Variants in EHD1 observed in about 807,000 individuals in gnomAD.
The protein encoded by EHD1 is EH domain-containing protein 1.
EHD1 carries 19 observed loss-of-function variants against 39.0 expected under a neutral mutation model. That is an observed-to-expected ratio of 0.49 (90% CI 0.34 to 0.72). EHD1 has a LOEUF of 0.72. Ranked by LOEUF, EHD1 falls within the 30% of genes least tolerant of loss-of-function variation. EHD1 has a pLI of 0.01. For synonymous variants in EHD1, 323 were observed against 331.2 expected (o/e 0.98, Z 0.27); for missense variants, 542 against 751.5 (o/e 0.72, Z 3.26).
chr11:64,863,103 A>C (rs1344591730), intron 2 of EHD1, among the ~76,000 whole-genome samples: 4 of 152,038 alleles, frequency 2.6e-5, no homozygotes, highest in Non-Finnish European at 5.9e-5. Flanking sequence ...AGGCCACCCA[A>C]ATGTAGGCCG....
intron 1 of EHD1, among the ~76,000 whole-genome samples, chr11:64,877,251 C>G (rs934108186): frequency 1.3e-5 from 2 of 152,184 alleles, no homozygotes; most frequent in African/African-American, 4.8e-5. Flanking sequence ...GTGTTTCATT[C>G]ACAGCACTGA....
chr11:64,868,607 T>C lies in EHD1; in HGVS notation c.502+5814A>G, dbSNP rs1026790294. Among the ~76,000 whole-genome samples, 2 of 152,168 alleles carry C rather than the reference T, an allele frequency of 1.3e-5. No individual in the cohort carries two copies. Among genetic ancestry groups the C allele is most frequent in the Non-Finnish European group, 2.9e-5 (2 of 68,032 alleles). On this transcript the variant is annotated intron_variant, in intron 2 of 4. Transcript: ENST00000320631. This position sits in a 1 kb window ranked among gnomAD's most constrained non-coding sequence, Gnocchi z 4.2. ...CCTGTATGATTCCATTTAGGTGACA[T>C]TCCGGAAAAGGCAAAAGTTAGAGAC...
At chr11:64,855,266 G>A (rs867350211) in intron 4 of EHD1, 56 bp downstream of exon 4, 2 of 1,586,342 alleles carry the variant, frequency 1.3e-6, no homozygotes, top group Admixed American at 1.8e-5. Context: ...AGTGCCCTGG[G>A]CCTTCCTTCT....
intron 2 of EHD1, among the ~76,000 whole-genome samples, chr11:64,861,670 G>A (rs1195543331): frequency 1.3e-5 from 2 of 152,124 alleles, no homozygotes; most frequent in Admixed American, 1.3e-4. Flanking sequence ...ATTATCCATG[G>A]CTTCTTTTGT....
intron 2 of EHD1, among the ~76,000 whole-genome samples, chr11:64,870,629 G>A (rs1958681914): frequency 6.6e-6 from 1 of 152,248 alleles, no homozygotes; most frequent in African/African-American, 2.4e-5. Context: ...TTAGTTCACA[G>A]TTGCCTAGTG....
intron 2 of EHD1, among the ~76,000 whole-genome samples, chr11:64,867,112 T>C (rs1427940642): frequency 6.6e-6 from 1 of 152,118 alleles, no homozygotes; most frequent in East Asian, 1.9e-4. Context: ...CTGGGGTCCA[T>C]GACCAAAAAA....
At chr11:64,874,036 C>T (rs1343499561) in intron 2 of EHD1, among the ~76,000 whole-genome samples, 5 of 149,986 alleles carry the variant, frequency 3.3e-5, no homozygotes, top group African/African-American at 7.3e-5. Context: ...CCAGGTGTGG[C>T]GGCTCACGCC....
intron 3 of EHD1, 84 bp downstream of exon 3, chr11:64,859,840 G>A: frequency 2.0e-6 from 3 of 1,511,322 alleles, no homozygotes; most frequent in Non-Finnish European, 2.7e-6. Context: ...AAGGGTCTCG[G>A]GCAATCCTGG....
intron 3 of EHD1, 197 bp from the exon 4 acceptor site, chr11:64,855,683 AGCTGTCC>A (rs1943643743): frequency 1.0e-5 from 7 of 694,502 alleles, no homozygotes; most frequent in Non-Finnish European, 1.4e-5. Context: ...CAAGAGCCAC[AGCTGTCC>A]ACTGCCACAG....
At position 64,854,137 on chromosome 11, in the gene EHD1, A is replaced by G; in HGVS notation, c.*196T>C. 2.2e-6 allele frequency: 2 copies of G among 920,098 alleles called. No individual in the cohort carries two copies. Among genetic ancestry groups the G allele is most frequent in the African/African-American group, 1.7e-5 (1 of 59,890 alleles). 57.0% of individuals were successfully genotyped at this position (920,098 alleles called of 1,614,324 possible). A position where few individuals can be genotyped will look rare whatever the true frequency, so the allele number is the denominator to read the frequency against. ...AAATAGCCACAGTTCTTGTGCACAC[A>G]ATTCCATCCTCTCACCCCTGCCTCC... On this transcript the variant is annotated 3_prime_UTR_variant, in exon 5 of 5. Transcript: ENST00000320631.
In EHD1 at chr11:64,860,130, T is replaced by C. The variant is rs1389025678; in HGVS notation, c.709A>G (p.Met237Val). ...TTGATGATCTTGCCCAGGGACCACA[T>C]GAGGGCCCCGTACACCCGCATCAGC... ...QQLMRVYGAL[M>V]WSLGKIINTP... Residue 237 changes from methionine to valine, a missense_variant, in exon 3 of 5, where the codon ATG becomes GTG. By Grantham distance (21) the Met-to-Val change is conservative (BLOSUM62 1). Coordinates refer to ENST00000320631, the MANE Select transcript of EHD1 (RefSeq NM_006795.4). 2 of 1,614,140 alleles carry C rather than the reference T, an allele frequency of 1.2e-6. No individual in the cohort carries two copies. The highest frequency in any genetic ancestry group is 1.7e-6 in the Non-Finnish European group (2 of 1,180,034).
At chr11:64,854,997 G>GC (rs1943633618) in intron 4 of EHD1, 140 bp from the exon 5 acceptor site, 5 of 1,128,656 alleles carry the variant, frequency 4.4e-6, no homozygotes, top group Non-Finnish European at 6.3e-6. Context: ...AAACCATCTG[G>GC]CCCTTGGCTC....
intron 4 of EHD1, 34 bp downstream of exon 4, chr11:64,855,288 C>A (rs1389954280): frequency 1.2e-6 from 2 of 1,607,168 alleles, no homozygotes; most frequent in Non-Finnish European, 1.7e-6. Flanking sequence ...CCCTGATGGC[C>A]ACCAGCCTGC....
At chr11:64,871,367 G>T (rs184847761) in intron 2 of EHD1, among the ~76,000 whole-genome samples, 4 of 152,260 alleles carry the variant, frequency 2.6e-5, no homozygotes, top group Non-Finnish European at 5.9e-5. Context: ...CAGGCCACAC[G>T]GGCCTTTCCA....
rs1279328457 is a variant in EHD1, at chr11:64,853,493, G to C, written c.*840C>G. 1 of 152,460 alleles carries C rather than the reference G, an allele frequency of 6.6e-6. No homozygotes were observed. Among genetic ancestry groups the C allele is most frequent in the Non-Finnish European group, 1.5e-5 (1 of 68,074 alleles). 9.4% of individuals were successfully genotyped at this position (152,460 alleles called of 1,614,324 possible). A position where few individuals can be genotyped will look rare whatever the true frequency, so the allele number is the denominator to read the frequency against. ...GGGTCCAGGAACGGGGTGCTCCCCG[G>C]GTACCCACACCTAATGCCCCCTGGG... is the stretch of plus-strand genomic sequence containing the variant. On this transcript the variant is annotated 3_prime_UTR_variant, in exon 5 of 5. Coordinates refer to ENST00000320631, the MANE Select transcript of EHD1 (RefSeq NM_006795.4).
chr11:64,867,524 G>C (rs1173759356), intron 2 of EHD1, among the ~76,000 whole-genome samples: 1 of 151,974 alleles, frequency 6.6e-6, no homozygotes, highest in Non-Finnish European at 1.5e-5. Flanking sequence ...TTCGAGACCA[G>C]CCTGGTCAAC....
intron 2 of EHD1, among the ~76,000 whole-genome samples, chr11:64,860,719 A>G (rs1201556102): frequency 9.2e-5 from 6 of 65,152 alleles, no homozygotes; most frequent in East Asian, 7.0e-4. Flanking sequence ...AACTGTCGCG[A>G]AAAAAAAAAA....
In EHD1 at chr11:64,855,304, G is replaced by A. The variant is rs1482954252; in HGVS notation, c.1080+18C>T. 2 of 1,611,704 alleles carry A rather than the reference G, an allele frequency of 1.2e-6. No homozygotes were observed. The highest frequency in any genetic ancestry group is 8.5e-7 in the Non-Finnish European group (1 of 1,179,274). On this transcript the variant is annotated intron_variant, in intron 4 of 4. Transcript: ENST00000320631. ...CCTGATGGCCACCAGCCTGCATGGG[G>A]CCTCGGGACAGCCGTACCTGCATCT...
chr11:64,854,054 A>G lies in EHD1; in HGVS notation c.*279T>C. ...GCCGGGGGGCAGAGGCCGTGCACAC[A>G]GGGCTGGCACACAGGGGAGGCGGCG... On this transcript the variant is annotated 3_prime_UTR_variant, in exon 5 of 5. Coordinates refer to ENST00000320631, the MANE Select transcript of EHD1 (RefSeq NM_006795.4). The G allele has an allele frequency of 1.3e-5, 7 of 540,140 alleles. No individual in the cohort carries two copies. Among genetic ancestry groups the G allele is most frequent in the Non-Finnish European group, 2.3e-5 (7 of 308,728 alleles). The allele number at this position is 540,140 out of a possible 1,614,324, so 33.5% of individuals were successfully genotyped here.
Sources: allele counts gnomAD v4.1 joint callset (sites outside exome capture counted in the v4.1 genomes callset), GRCh38; gene constraint gnomAD v4.1.1; non-coding constraint Gnocchi (gnomAD v3.1); transcripts MANE v1.5; gene names NCBI Gene and HGNC (gene_info 2026-07-23, HGNC 2026-07-21).